Variants in RBMS3 observed in about 807,000 individuals in gnomAD.
RBMS3 encodes RNA binding motif single stranded interacting protein 3, also known as RNA-binding motif, single-stranded-interacting protein 3.
Under a neutral mutation model 66.8 loss-of-function variants are expected in RBMS3, and 27 were observed. The ratio of observed to expected loss-of-function variants is 0.40; its 90% CI spans 0.30 to 0.56. The LOEUF (loss-of-function observed/expected upper bound fraction) is 0.56, where lower values mean the gene tolerates loss of function less well. Ranked by LOEUF, RBMS3 falls within the 20% of genes least tolerant of loss-of-function variation. The pLI is 0.40. For missense variants in RBMS3, 513 were observed against 549.5 expected (o/e 0.93, Z 0.66); for synonymous variants, 188 against 183.0 (o/e 1.03, Z -0.22).
Position 29,902,537 on chromosome 3 carries a change from CA to C in RBMS3, c.939+2784del, listed in dbSNP as rs569420303. ...TTATTTCACTTACTTTCTAAACATT[CA>C]ACACCTAAAACTTAAAAAAAAATGC... On this transcript the variant is annotated intron_variant, in intron 10 of 14. Coordinates refer to ENST00000383767, the MANE Select transcript of RBMS3 (RefSeq NM_001003793.3). Among the ~76,000 whole-genome samples the C allele has an allele frequency of 1.7e-4, 26 of 151,440 alleles. No homozygotes were observed. The East Asian group carries it at 4.9e-3, about 28-fold the overall frequency.
At chr3:29,815,387 C>A (rs1475354044) in intron 6 of RBMS3, among the ~76,000 whole-genome samples, 2 of 152,114 alleles carry the variant, frequency 1.3e-5, no homozygotes, top group Non-Finnish European at 2.9e-5. Flanking sequence ...ATTTTATTTT[C>A]TCTTAGCTTT....
intron 1 of RBMS3, among the ~76,000 whole-genome samples, chr3:29,347,566 GA>G (rs2125550794): frequency 6.6e-6 from 1 of 152,278 alleles, no homozygotes; most frequent in South Asian, 2.1e-4. Flanking sequence ...CTATTGGGAA[GA>G]ATGGCATTTT....
chr3:29,303,875 T>C (rs1456395766), intron 1 of RBMS3, among the ~76,000 whole-genome samples: 1 of 151,902 alleles, frequency 6.6e-6, no homozygotes, highest in Non-Finnish European at 1.5e-5. Flanking sequence ...AGAATCATGG[T>C]GGGAGGTGAA....
intron 5 of RBMS3, among the ~76,000 whole-genome samples, chr3:29,758,534 CT>C (rs1460677119): frequency 6.6e-6 from 1 of 152,254 alleles, no homozygotes; most frequent in East Asian, 1.9e-4. Flanking sequence ...GCAAGATACC[CT>C]CAAAATTTCT....
intron 1 of RBMS3, among the ~76,000 whole-genome samples, chr3:29,344,463 A>C (rs940575592): frequency 6.6e-6 from 1 of 152,212 alleles, no homozygotes; most frequent in African/African-American, 2.4e-5. Flanking sequence ...GCTTCAGTTC[A>C]GCAGTTTTGA....
At chr3:29,542,969 G>T (rs1443438098) in intron 3 of RBMS3, among the ~76,000 whole-genome samples, 1 of 152,172 alleles carries the variant, frequency 6.6e-6, no homozygotes, top group Non-Finnish European at 1.5e-5. Context: ...AATGATTTAA[G>T]TTTAAGAGAA....
intron 6 of RBMS3, chr3:29,765,792 C>A (rs2055897317): frequency 6.5e-6 from 1 of 152,802 alleles, no homozygotes; most frequent in Non-Finnish European, 1.5e-5. Context: ...CAAGACTGGG[C>A]AATTTACGAA....
At chr3:29,453,129 C>T (rs979080644) in intron 2 of RBMS3, among the ~76,000 whole-genome samples, 1 of 152,172 alleles carries the variant, frequency 6.6e-6, no homozygotes, top group Non-Finnish European at 1.5e-5. Context: ...GCCTCAGGGA[C>T]AAGGGCAGCT....
intron 5 of RBMS3, among the ~76,000 whole-genome samples, chr3:29,754,070 G>A (rs2055303894): frequency 6.6e-6 from 1 of 151,538 alleles, no homozygotes; most frequent in South Asian, 2.1e-4. Context: ...GGATCCTCTT[G>A]CCTCAGCCTC....
intron 1 of RBMS3, among the ~76,000 whole-genome samples, chr3:29,406,682 C>A (rs1191174142): frequency 6.6e-6 from 1 of 152,090 alleles, no homozygotes; most frequent in Non-Finnish European, 1.5e-5. Flanking sequence ...CTAAGCTAAA[C>A]CCTGAACTGT....
At chr3:29,702,710 C>T (rs776000351) in intron 4 of RBMS3, among the ~76,000 whole-genome samples, 4 of 151,950 alleles carry the variant, frequency 2.6e-5, no homozygotes, top group Admixed American at 6.6e-5. Flanking sequence ...CCAGATGCAC[C>T]GCCTCAAGAG....
intron 13 of RBMS3, among the ~76,000 whole-genome samples, 192 bp from the exon 14 acceptor site, chr3:29,990,890 G>A (rs1225648923): frequency 6.6e-6 from 1 of 152,114 alleles, no homozygotes; most frequent in East Asian, 1.9e-4. Flanking sequence ...GCTTCTTGGT[G>A]TCACATTAGG....
intron 1 of RBMS3, among the ~76,000 whole-genome samples, chr3:29,310,940 A>G (rs1431023210): frequency 2.0e-5 from 3 of 151,810 alleles, no homozygotes; most frequent in African/African-American, 7.2e-5. Context: ...TAAGCAAACC[A>G]AAACAAAACA....
chr3:29,800,424 T>C (rs963167887), intron 6 of RBMS3, among the ~76,000 whole-genome samples: 2 of 152,196 alleles, frequency 1.3e-5, no homozygotes, highest in Non-Finnish European at 2.9e-5. Context: ...AGTATTCATA[T>C]GTCTTACAGA....
At chr3:29,295,329 A>G (rs1284483249) in intron 1 of RBMS3, among the ~76,000 whole-genome samples, 1 of 142,718 alleles carries the variant, frequency 7.0e-6, no homozygotes, top group Non-Finnish European at 1.5e-5. Flanking sequence ...ATATATATAC[A>G]CACACATATA....
At chr3:29,716,551 G>C (rs575390581) in intron 4 of RBMS3, among the ~76,000 whole-genome samples, 15 of 152,248 alleles carry the variant, frequency 9.9e-5, no homozygotes, top group African/African-American at 3.4e-4. Context: ...TTCTGTGCAA[G>C]AGTGTTATGT....
intron 3 of RBMS3, among the ~76,000 whole-genome samples, chr3:29,524,036 C>T (rs1021929189): frequency 2.0e-5 from 3 of 152,122 alleles, no homozygotes; most frequent in African/African-American, 7.2e-5. Flanking sequence ...CTGCGCCCAG[C>T]CCATAATCTC....
chr3:29,352,926 C>CA (rs1553637877), intron 1 of RBMS3, among the ~76,000 whole-genome samples: 1 of 144,660 alleles, frequency 6.9e-6, no homozygotes, highest in Non-Finnish European at 1.5e-5. Flanking sequence ...TACATTCATT[C>CA]TTTTTTTTTT....
rs145175702 is a variant in RBMS3, at chr3:29,957,146, C to T, written c.1098+12892C>T. 3.7e-3 allele frequency among the ~76,000 whole-genome samples: 559 copies of T among 152,128 alleles called. 2 individuals are homozygous for T. The highest frequency in any genetic ancestry group is 0.013 in the African/African-American group (540 of 41,526). ...TTGTCTTGTCTTAGAGTTTTCTCTC[C>T]CCTTAGGTGTCTGGGAATACCTTTA... On this transcript the variant is annotated intron_variant, in intron 12 of 14. Transcript: ENST00000383767.
Sources: allele counts gnomAD v4.1 joint callset (sites outside exome capture counted in the v4.1 genomes callset), GRCh38; gene constraint gnomAD v4.1.1; transcripts MANE v1.5; gene names NCBI Gene and HGNC (gene_info 2026-07-23, HGNC 2026-07-21).